The following STK17B variants were observed in gnomAD, a reference collection of about 807,000 sequenced individuals.
The protein encoded by STK17B is serine/threonine-protein kinase 17B.
Under a neutral mutation model 42.0 loss-of-function variants are expected in STK17B, and 21 were observed. That is an observed-to-expected ratio of 0.50 (90% confidence interval 0.35 to 0.72). The LOEUF (loss-of-function observed/expected upper bound fraction) is 0.72, where lower values mean the gene tolerates loss of function less well. Ranked by LOEUF, STK17B falls within the 30% of genes least tolerant of loss-of-function variation. The pLI is 0.00. For synonymous variants in STK17B, 143 were observed against 148.4 expected, an observed-to-expected ratio of 0.96 and a Z score of 0.26; for missense variants, 349 against 446.0, an observed-to-expected ratio of 0.78 and a Z score of 1.96.
At chr2:196,169,532 C>A (rs1699911959) in intron 1 of STK17B, among the ~76,000 whole-genome samples, 2 of 152,162 alleles carry the variant, frequency 1.3e-5, no homozygotes, top group African/African-American at 2.4e-5. Flanking sequence ...TAAGGAAATT[C>A]TCCCTTATAA....
chr2:196,153,439 G>A (rs2105698040), intron 3 of STK17B: 1 of 152,270 alleles, frequency 6.6e-6, no homozygotes. Flanking sequence ...GAAGAACCTT[G>A]TAGTGGTGGA....
At position 196,149,102 on chromosome 2, in the gene STK17B, C is replaced by T. The variant is rs183736990; in HGVS notation, c.336-3047G>A. ...ACATCCTAGAAGAATCAAAGCAGATCGTTTCAATAAATACTTATCACAGTG... is the reference window on the plus strand; with the variant it reads ...ACATCCTAGAAGAATCAAAGCAGATTGTTTCAATAAATACTTATCACAGTG... On this transcript the variant is annotated intron_variant, in intron 3 of 7. Transcript: ENST00000263955. 8.0e-4 allele frequency among the ~76,000 whole-genome samples: 122 copies of T among 152,000 alleles called. 1 individual carries two copies. The highest frequency in any genetic ancestry group is 2.1e-4 in the Non-Finnish European group (14 of 67,968).
intron 1 of STK17B, among the ~76,000 whole-genome samples, chr2:196,167,281 G>C (rs1699885270): frequency 1.3e-5 from 2 of 152,180 alleles, no homozygotes; most frequent in Admixed American, 1.3e-4. Context: ...TCTGTTCAGT[G>C]TTTAAAGGGC....
intron 3 of STK17B, among the ~76,000 whole-genome samples, chr2:196,155,162 C>A (rs560354879): frequency 6.8e-4 from 104 of 152,328 alleles, no homozygotes; most frequent in Non-Finnish European, 6.9e-4. Flanking sequence ...ACTTTTTACA[C>A]ACTTCAAACA....
chr2:196,167,446 T>C (rs1575188225), intron 1 of STK17B, among the ~76,000 whole-genome samples: 1 of 152,346 alleles, frequency 6.6e-6, no homozygotes. Context: ...TTAGGAGAAC[T>C]TGAGATCCAT....
At chr2:196,140,843 G>A (rs1408283311) in intron 6 of STK17B, among the ~76,000 whole-genome samples, 1 of 152,068 alleles carries the variant, frequency 6.6e-6, no homozygotes, top group Non-Finnish European at 1.5e-5. Flanking sequence ...GATTACAGGT[G>A]TAAGCCACCA....
At chr2:196,174,735 C>T (rs1699982949), upstream of STK17B, among the ~76,000 whole-genome samples, 2 of 152,240 alleles carry the variant, frequency 1.3e-5, no homozygotes, top group African/African-American at 4.8e-5. Context: ...AGTGCATTTA[C>T]TCATGGTGCC....
At chr2:196,152,741 TGTAA>T (rs1200419139) in intron 3 of STK17B, among the ~76,000 whole-genome samples, 10 of 152,192 alleles carry the variant, frequency 6.6e-5, no homozygotes. Context: ...CTACATTTTC[TGTAA>T]GTAAGAATAT....
chr2:196,167,481 T>C (rs1322699154), intron 1 of STK17B, among the ~76,000 whole-genome samples: 3 of 152,242 alleles, frequency 2.0e-5, no homozygotes, highest in Admixed American at 2.0e-4. Flanking sequence ...ACTGGAGCTC[T>C]GAATGCAGCT....
intron 3 of STK17B, among the ~76,000 whole-genome samples, chr2:196,148,949 T>A (rs1162687653): frequency 6.6e-6 from 1 of 152,204 alleles, no homozygotes; most frequent in Non-Finnish European, 1.5e-5. Flanking sequence ...GCTCTGTCAC[T>A]AACTAGGCTA....
chr2:196,171,850 A>T (rs948056065), upstream of STK17B, among the ~76,000 whole-genome samples: 2 of 151,244 alleles, frequency 1.3e-5, no homozygotes, highest in African/African-American at 4.8e-5. Flanking sequence ...GCGGCGCTGC[A>T]GAGGGGGCGC....
intron 2 of STK17B, 106 bp downstream of exon 2, chr2:196,163,156 T>G: frequency 7.4e-7 from 1 of 1,355,098 alleles, no homozygotes. Context: ...CAACTTTCCT[T>G]CCTAATCATT....
At position 196,156,421 on chromosome 2, in the gene STK17B, T is replaced by TGAAA. The variant is rs1699739014; in HGVS notation, c.335+17_335+18insTTTC. On this transcript the variant is annotated intron_variant, in intron 3 of 7. Coordinates refer to ENST00000263955, the MANE Select transcript of STK17B (RefSeq NM_004226.4). The stretch of plus-strand genomic sequence containing the variant: ...TTTTCATACCAACTAAAATAGGTAC[T>TGAAA]ATTTAGTATATACTTACTATTCCAA... The TGAAA allele has an allele frequency of 7.8e-6, 12 of 1,547,872 alleles. No homozygotes were observed. The highest frequency in any genetic ancestry group is 1.1e-5 in the Non-Finnish European group (12 of 1,131,490).
At chr2:196,145,619 G>C (rs1699561642) in intron 4 of STK17B, among the ~76,000 whole-genome samples, 1 of 152,222 alleles carries the variant, frequency 6.6e-6, no homozygotes, top group African/African-American at 2.4e-5. Context: ...GGTCCAGGAT[G>C]TGGTTGTAAG....
rs1699373070 is a variant in STK17B at position 196,134,797 on chromosome 2, TACTG to T, written c.*2646_*2649del. On this transcript the variant is annotated 3_prime_UTR_variant, in exon 8 of 8. Coordinates refer to ENST00000263955, the MANE Select transcript of STK17B (RefSeq NM_004226.4). Reference sequence around the variant, plus strand: ...CTTATCTTCTCATGTGTTCAAGTGTTACTGACATTTGTCCACTCACAGGGGCTCT... The same window carrying T: ...CTTATCTTCTCATGTGTTCAAGTGTTACATTTGTCCACTCACAGGGGCTCT... 1 of 152,232 alleles carries T rather than the reference TACTG, an allele frequency of 6.6e-6. No homozygotes were observed. 9.4% of individuals were successfully genotyped at this position (152,232 alleles called of 1,614,324 possible).
intron 1 of STK17B, among the ~76,000 whole-genome samples, chr2:196,163,700 C>A (rs1296529934): frequency 6.6e-6 from 1 of 152,018 alleles, no homozygotes; most frequent in African/African-American, 2.4e-5. Context: ...AATTATAATG[C>A]AAACAATCAC....
intron 3 of STK17B, among the ~76,000 whole-genome samples, chr2:196,147,562 C>T (rs1699594255): frequency 6.6e-6 from 1 of 152,144 alleles, no homozygotes; most frequent in Non-Finnish European, 1.5e-5. Flanking sequence ...AATCTAAACA[C>T]AGTAAGCCAG....
At chr2:196,164,038 C>CAATAAATA (rs60492880) in intron 1 of STK17B, among the ~76,000 whole-genome samples, 19,345 of 145,936 alleles carry the variant, frequency 0.13, 2,028 homozygotes, top group African/African-American at 0.29. Flanking sequence ...GATCTTATCT[C>CAATAAATA]AATAAATAAA....
At chr2:196,162,399 TTTCTTC>T (rs372427877) in intron 2 of STK17B, among the ~76,000 whole-genome samples, 21 of 150,696 alleles carry the variant, frequency 1.4e-4, no homozygotes, top group East Asian at 1.9e-4. Context: ...AATCTCCCTA[TTTCTTC>T]TTCTTCTTCT....
Sources: allele counts gnomAD v4.1 joint callset (sites outside exome capture counted in the v4.1 genomes callset), GRCh38; gene constraint gnomAD v4.1.1; transcripts MANE v1.5; gene names NCBI Gene and HGNC (gene_info 2026-07-23, HGNC 2026-07-21).